Variants in PDE4D observed in about 807,000 individuals in gnomAD.
PDE4D encodes the protein phosphodiesterase 4D.
Under a neutral mutation model 87.4 loss-of-function variants are expected in PDE4D, and 24 were observed. The observed-to-expected ratio is 0.27, with a 90% CI of 0.20 to 0.39. The LOEUF is 0.39. PDE4D is among the 10% of genes least tolerant of loss of function. The probability of loss-of-function intolerance (pLI) is 1.00; values close to 1 mark genes in which losing one functional copy is unlikely to be tolerated. For synonymous variants in PDE4D, 384 were observed against 383.2 expected (o/e 1.00, Z -0.02); for missense variants, 714 against 1,041.0 (o/e 0.69, Z 4.32).
chr5:59,400,148 G>C lies in PDE4D; in HGVS notation c.456-184180C>G. The stretch of plus-strand genomic sequence containing the variant: ...ACACTGTTGGTGGGACTGTAAACTA[G>C]TTCAACCATTGTGGAAGTCAGTGTG... On this transcript the variant is annotated intron_variant, in intron 1 of 14. Coordinates refer to ENST00000340635, the MANE Select transcript of PDE4D (RefSeq NM_001104631.2). Among the ~76,000 whole-genome samples the C allele has an allele frequency of 1.9e-5, 2 of 103,700 alleles. 1 individual carries two copies. Among genetic ancestry groups the C allele is most frequent in the Non-Finnish European group, 3.9e-5 (2 of 51,356 alleles). 68.0% of individuals were successfully genotyped at this position (103,700 alleles called of 152,430 possible). A position where few individuals can be genotyped will look rare whatever the true frequency, so the allele number is the denominator to read the frequency against.
chr5:59,205,664 A>ACACACACG, intron 2 of PDE4D, among the ~76,000 whole-genome samples: 1 of 147,286 alleles, frequency 6.8e-6, no homozygotes, highest in Non-Finnish European at 1.5e-5. Flanking sequence ...ACACACACAC[A>ACACACACG]CACACACACA....
Position 59,228,488 on chromosome 5 carries a change from G to A in PDE4D, c.456-12520C>T, listed in dbSNP as rs113558072. On this transcript the variant is annotated intron_variant, in intron 1 of 14. Transcript: ENST00000340635. ...AGAAAAATACCCAAGGTAGTGTTGC[G>A]GGGTGTTTCTGTCTTTATTTATTGT... 3.2e-3 allele frequency among the ~76,000 whole-genome samples: 492 copies of A among 151,386 alleles called. 4 individuals carry two copies. Among genetic ancestry groups the A allele is most frequent in the African/African-American group, 0.011 (455 of 41,356 alleles).
In PDE4D at chr5:59,038,940, G is replaced by A; in HGVS notation, c.840C>T (p.Thr280=). The A allele has an allele frequency of 2.5e-6, 4 of 1,599,120 alleles. No individual in the cohort carries two copies. Among genetic ancestry groups the A allele is most frequent in the East Asian group, 2.3e-5 (1 of 44,074 alleles). Residue 280 remains threonine (T), a synonymous_variant, in exon 6 of 15, where the codon ACC becomes ACT. Coordinates refer to ENST00000340635, the MANE Select transcript of PDE4D (RefSeq NM_001104631.2). Reference sequence around the variant, plus strand: ...CCAGACACCAGTCCAGCTCCTCCAGGGTCTCGCTGGCCAGTTTCTGGTAGG... The same window carrying A: ...CCAGACACCAGTCCAGCTCCTCCAGAGTCTCGCTGGCCAGTTTCTGGTAGG... ...EEAYQKLASE[T]LEELDWCLDQ...
At chr5:59,591,776 C>T (rs1484580861) in intron 1 of PDE4D, among the ~76,000 whole-genome samples, 1 of 152,084 alleles carries the variant, frequency 6.6e-6, no homozygotes, top group East Asian at 1.9e-4. Context: ...TATATTTACA[C>T]ATACAAAAAC....
At chr5:59,595,783 G>A (rs1050892531) in intron 1 of PDE4D, among the ~76,000 whole-genome samples, 1 of 151,842 alleles carries the variant, frequency 6.6e-6, no homozygotes, top group African/African-American at 2.4e-5. Flanking sequence ...TCCACCTTTA[G>A]GTCTGCTTGT....
chr5:59,946,596 T>G (rs1757746934), intron 3 of PDE4D, among the ~76,000 whole-genome samples: 1 of 152,204 alleles, frequency 6.6e-6, no homozygotes, highest in Admixed American at 6.5e-5. Context: ...TATTGAAAGA[T>G]TATTCAACTA....
chr5:59,765,539 T>G (rs1205558319), intron 1 of PDE4D, among the ~76,000 whole-genome samples: 2 of 152,198 alleles, frequency 1.3e-5, no homozygotes, highest in Non-Finnish European at 2.9e-5. Flanking sequence ...GCCATAGAAC[T>G]GAGTTCCAGC....
At chr5:60,422,298 G>C (rs1328301160) in intron 1 of PDE4D, among the ~76,000 whole-genome samples, 1 of 152,200 alleles carries the variant, frequency 6.6e-6, no homozygotes, top group East Asian at 1.9e-4. Context: ...CAGAGAGAAA[G>C]GTCGGGTTGT....
chr5:59,199,042 A>G (rs1382284219), intron 2 of PDE4D, among the ~76,000 whole-genome samples: 6 of 152,224 alleles, frequency 3.9e-5, no homozygotes, highest in Non-Finnish European at 8.8e-5. Context: ...TTTTACTATT[A>G]CGAAATCATA....
intron 1 of PDE4D, among the ~76,000 whole-genome samples, chr5:59,440,219 C>G (rs916920721): frequency 6.6e-6 from 1 of 152,088 alleles, no homozygotes; most frequent in African/African-American, 2.4e-5. Flanking sequence ...AATCCCAAAT[C>G]TAGGTAACAT....
At chr5:60,350,595 A>C (rs574341768) in intron 1 of PDE4D, among the ~76,000 whole-genome samples, 1 of 152,258 alleles carries the variant, frequency 6.6e-6, no homozygotes, top group Non-Finnish European at 1.5e-5. Context: ...GGGCCAGCAA[A>C]TGCAGGCCCC....
At chr5:59,250,580 A>C (rs1032686515) in intron 1 of PDE4D, among the ~76,000 whole-genome samples, 2 of 152,082 alleles carry the variant, frequency 1.3e-5, no homozygotes, top group African/African-American at 2.4e-5. Flanking sequence ...AGATTATATG[A>C]CAAGAATTTT....
intron 6 of PDE4D, among the ~76,000 whole-genome samples, chr5:59,013,993 T>C (rs976550595): frequency 6.6e-6 from 1 of 152,178 alleles, no homozygotes; most frequent in African/African-American, 2.4e-5. Context: ...TGCTTCAACA[T>C]ATGCAAATCA....
At chr5:60,125,461 T>C (rs752743193) in intron 2 of PDE4D, among the ~76,000 whole-genome samples, 1 of 152,150 alleles carries the variant, frequency 6.6e-6, no homozygotes, top group Non-Finnish European at 1.5e-5. Context: ...CTATAGTAGA[T>C]GCTACTGACG....
At chr5:60,417,122 G>C (rs1420306488) in intron 1 of PDE4D, among the ~76,000 whole-genome samples, 4 of 152,230 alleles carry the variant, frequency 2.6e-5, no homozygotes. Context: ...TGGGCAACCA[G>C]ATTTTAAAAA....
intron 1 of PDE4D, among the ~76,000 whole-genome samples, chr5:60,321,932 G>A (rs1756315300): frequency 6.6e-6 from 1 of 151,612 alleles, no homozygotes; most frequent in East Asian, 1.9e-4. Context: ...GCAGATAAAA[G>A]GGAACGCTTA....
intron 3 of PDE4D, among the ~76,000 whole-genome samples, chr5:59,924,310 T>C (rs1322690937): frequency 6.6e-6 from 1 of 152,100 alleles, no homozygotes; most frequent in Non-Finnish European, 1.5e-5. Flanking sequence ...GGATAAAAAG[T>C]GTATTCAAAG....
intron 1 of PDE4D, among the ~76,000 whole-genome samples, chr5:59,374,937 G>C (rs1340043220): frequency 6.6e-6 from 1 of 152,112 alleles, no homozygotes; most frequent in Non-Finnish European, 1.5e-5. Flanking sequence ...AATGCCTTTT[G>C]GGTAAATAAT....
At chr5:60,038,696 G>A (rs1197946627) in intron 2 of PDE4D, among the ~76,000 whole-genome samples, 1 of 151,586 alleles carries the variant, frequency 6.6e-6, no homozygotes, top group African/African-American at 2.4e-5. Context: ...ATCTGACAAA[G>A]GGCTAATATC....
Sources: gnomAD v4.1 joint callset for allele counts (sites outside exome capture counted in the v4.1 genomes callset) on GRCh38, gnomAD v4.1.1 for gene constraint, MANE v1.5 for transcripts, NCBI Gene and HGNC (gene_info 2026-07-23, HGNC 2026-07-21) for gene names.